Variants in PIAS4 observed in about 807,000 individuals in gnomAD.
The protein encoded by PIAS4 is protein inhibitor of activated STAT 4, also known as E3 SUMO-protein ligase PIAS4.
PIAS4 carries 7 observed loss-of-function variants against 58.0 expected under a neutral mutation model. The observed-to-expected ratio is 0.12, with a 90% confidence interval of 0.07 to 0.23. PIAS4 has a LOEUF of 0.23. Among genes scored for constraint, PIAS4 ranks in the 10% least tolerant of loss-of-function variants. The pLI, the probability that PIAS4 is intolerant of heterozygous loss-of-function variation, is 1.00. For missense variants in PIAS4, 550 were observed against 709.5 expected (o/e 0.78, Z 2.55); for synonymous variants, 364 against 312.4 (o/e 1.17, Z -1.74).
At position 4,007,778 on chromosome 19, in the gene PIAS4, G is replaced by A; in HGVS notation, c.18G>A (p.Val6=). 1 of 1,216,064 alleles carries A rather than the reference G, an allele frequency of 8.2e-7. No individual in the cohort carries two copies. Among genetic ancestry groups the A allele is most frequent in the Non-Finnish European group, 1.0e-6 (1 of 971,380 alleles). 75.3% of individuals were successfully genotyped at this position (1,216,064 alleles called of 1,614,324 possible). A position where few individuals can be genotyped will look rare whatever the true frequency, so the allele number is the denominator to read the frequency against. The change falls in exon 1 of 11, where the codon GTG becomes GTA. Residue 6 remains valine, a synonymous_variant. Transcript: ENST00000262971. MAAEL[V]EAKNMVMSFR... ...TGACCAAGATGGCGGCGGAGCTGGT[G>A]GAGGCCAAAGTGAGTGAGCGGTGGC...
Position 4,013,164 on chromosome 19 carries a change from A to G in PIAS4, c.269A>G (p.Tyr90Cys). ...GACCCCCTGACCATGCACTCCACCTACGACCGGGCCGGCGCTGTGCCCAGG... is the reference window on the plus strand; with the variant it reads ...GACCCCCTGACCATGCACTCCACCTGCGACCGGGCCGGCGCTGTGCCCAGG... ...PLDPLTMHST[Y>C]DRAGAVPRTP... The change falls in exon 2 of 11, where the codon TAC becomes TGC. Residue 90 changes from tyrosine to cysteine, a missense_variant. By Grantham distance (194) the Tyr-to-Cys change is radical. This residue lies in a region of PIAS4 where 95 missense variants were observed against 87.5 expected (regional missense o/e 1.09). Coordinates refer to ENST00000262971, the MANE Select transcript of PIAS4 (RefSeq NM_015897.4). The surrounding 1 kb of genome is among the most constrained non-coding windows in gnomAD (Gnocchi z 5.1). 1 of 1,613,384 alleles carries G rather than the reference A, an allele frequency of 6.2e-7. No homozygotes were observed. The highest frequency in any genetic ancestry group is 1.1e-5 in the South Asian group (1 of 91,088).
intron 1 of PIAS4, among the ~76,000 whole-genome samples, chr19:4,011,359 C>G (rs912575222): frequency 6.6e-6 from 1 of 152,268 alleles, no homozygotes; most frequent in African/African-American, 2.4e-5. Flanking sequence ...CTCGAGGACA[C>G]CTGGCTTCTG....
chr19:4,012,949 C>T lies in PIAS4; in HGVS notation c.54C>T (p.Ser18=), dbSNP rs763282249. ...ACATGGTGATGAGTTTTCGAGTCTC[C>T]GACCTTCAGATGCTCCTGGGTTTCG... is the stretch of plus-strand genomic sequence containing the variant. ...AKNMVMSFRV[S]DLQMLLGFVG... is the part of the protein sequence containing the mutation. The change falls in exon 2 of 11, where the codon TCC becomes TCT. Residue 18 remains serine (S), a synonymous_variant. Transcript: ENST00000262971. 12 of 1,613,156 alleles carry T rather than the reference C, an allele frequency of 7.4e-6. No individual in the cohort carries two copies. Among genetic ancestry groups the T allele is most frequent in the African/African-American group, 2.7e-5 (2 of 74,858 alleles).
In PIAS4 at chr19:4,013,404, C is replaced by T. The variant is rs1445940816; in HGVS notation, c.454+55C>T. ...TGGAGGCTTCACCTAGGCCCCGTCG[C>T]CCAGCCCAGCCCAGCCACACAGCCG... On this transcript the variant is annotated intron_variant, in intron 2 of 10. Transcript: ENST00000262971. This position sits in a 1 kb window ranked among gnomAD's most constrained non-coding sequence, Gnocchi z 5.1. The T allele has an allele frequency of 3.5e-6, 5 of 1,433,092 alleles. No homozygotes were observed. In the Admixed American group the frequency reaches 9.2e-5, roughly 26 times the overall value. 88.8% of individuals were successfully genotyped at this position (1,433,092 alleles called of 1,614,324 possible).
At chr19:4,030,860 G>T (rs940925907) in intron 7 of PIAS4, among the ~76,000 whole-genome samples, 15 of 152,160 alleles carry the variant, frequency 9.9e-5, no homozygotes, top group African/African-American at 3.6e-4. Flanking sequence ...GGCTCTGCAG[G>T]CCTGTCTTAT....
intron 2 of PIAS4, among the ~76,000 whole-genome samples, chr19:4,022,225 C>T (rs192496410): frequency 6.6e-6 from 1 of 152,240 alleles, no homozygotes; most frequent in East Asian, 1.9e-4. Flanking sequence ...CCTTTTATTC[C>T]CCTATTGAAC....
chr19:4,019,986 A>G (rs1328234821), intron 2 of PIAS4, among the ~76,000 whole-genome samples: 5 of 150,626 alleles, frequency 3.3e-5, no homozygotes, highest in Non-Finnish European at 7.4e-5. Context: ...GCAGGATCTC[A>G]GCTCACTGCA....
Position 4,037,635 on chromosome 19 carries a change from G to A in PIAS4, c.1293G>A (p.Gly431=). ...CCGTAGGCCCCTCGGACGCCAATGG[G>A]CTCCTGCCCGCCCCCAGCGTCAACG... is the stretch of plus-strand genomic sequence containing the variant. ...ILVLGPSDAN[G]LLPAPSVNGS... The change falls in exon 11 of 11, where the codon GGG becomes GGA. Residue 431 remains glycine, a synonymous_variant. Coordinates refer to ENST00000262971, the MANE Select transcript of PIAS4 (RefSeq NM_015897.4). The surrounding 1 kb of genome is among the most constrained non-coding windows in gnomAD (Gnocchi z 5.8). 7 of 1,611,246 alleles carry A rather than the reference G, an allele frequency of 4.3e-6. No homozygotes were observed. Among genetic ancestry groups the A allele is most frequent in the African/African-American group, 1.3e-5 (1 of 75,038 alleles).
At position 4,028,614 on chromosome 19, in the gene PIAS4, G is replaced by C; in HGVS notation, c.672+14G>C. On this transcript the variant is annotated intron_variant, in intron 5 of 10. Coordinates refer to ENST00000262971, the MANE Select transcript of PIAS4 (RefSeq NM_015897.4). ...TGCTCCGTCCCGGTGAGCATGCCCC[G>C]CCCCCGCGTCGGCTGCACGGGTTTG... The C allele has an allele frequency of 6.2e-7, 1 of 1,611,408 alleles. No individual in the cohort carries two copies. Among genetic ancestry groups the C allele is most frequent in the South Asian group, 1.1e-5 (1 of 90,966 alleles).
intron 3 of PIAS4, 103 bp downstream of exon 3, chr19:4,024,223 T>C: frequency 1.2e-6 from 1 of 840,302 alleles, no homozygotes; most frequent in Non-Finnish European, 2.0e-6. Flanking sequence ...CAGGCCTCGC[T>C]CGGGCTCAGT....
At chr19:4,023,201 G>A (rs2040128142) in intron 2 of PIAS4, among the ~76,000 whole-genome samples, 1 of 147,956 alleles carries the variant, frequency 6.8e-6, no homozygotes, top group African/African-American at 2.5e-5. Context: ...GGGGCTGGCT[G>A]GGCACAGTGG....
intron 9 of PIAS4, among the ~76,000 whole-genome samples, chr19:4,034,152 T>C (rs561213113): frequency 1.3e-5 from 2 of 152,328 alleles, no homozygotes; most frequent in Non-Finnish European, 2.9e-5. Context: ...CTGTGGTGCC[T>C]GATGCGGCTC....
chr19:4,021,230 G>A (rs1415485447), intron 2 of PIAS4, among the ~76,000 whole-genome samples: 2 of 152,156 alleles, frequency 1.3e-5, no homozygotes, highest in African/African-American at 4.8e-5. Flanking sequence ...TCGGCTCACT[G>A]CAACCTCCGC....
chr19:4,020,660 A>G (rs573938664), intron 2 of PIAS4, among the ~76,000 whole-genome samples: 116 of 152,330 alleles, frequency 7.6e-4, no homozygotes, highest in Non-Finnish European at 1.5e-3. Context: ...CAGTCTTGCT[A>G]TGTTGCCCAG....
intron 1 of PIAS4, among the ~76,000 whole-genome samples, chr19:4,010,640 G>A (rs1238346017): frequency 6.6e-6 from 1 of 152,236 alleles, no homozygotes; most frequent in African/African-American, 2.4e-5. Flanking sequence ...AACACCCTTG[G>A]GAGGCCAGAG....
chr19:4,033,046 C>T lies in PIAS4; in HGVS notation c.908-54C>T. ...GCCGGAGAGAACTCGAATCACAGCC[C>T]CGCGCCCTGCTGTTCCCACCCTCCT... On this transcript the variant is annotated intron_variant, in intron 7 of 10. Transcript: ENST00000262971. 4 of 1,431,676 alleles carry T rather than the reference C, an allele frequency of 2.8e-6. No individual in the cohort carries two copies. The South Asian group carries it at 4.6e-5, about 16-fold the overall frequency. 88.7% of individuals were successfully genotyped at this position (1,431,676 alleles called of 1,614,324 possible).
At chr19:4,018,575 G>T (rs1235210985) in intron 2 of PIAS4, 1 of 152,252 alleles carries the variant, frequency 6.6e-6, no homozygotes, top group Non-Finnish European at 1.5e-5. Flanking sequence ...GGCCCCAAAG[G>T]TGCATCTGGT....
intron 2 of PIAS4, among the ~76,000 whole-genome samples, chr19:4,014,549 C>G (rs1177032932): frequency 6.6e-6 from 1 of 152,144 alleles, no homozygotes; most frequent in Non-Finnish European, 1.5e-5. Flanking sequence ...TTCTTCCTGC[C>G]TCCCCTCCCC....
At chr19:4,033,302 C>A in intron 8 of PIAS4, 118 bp from the exon 9 acceptor site, 1 of 1,331,550 alleles carries the variant, frequency 7.5e-7, no homozygotes, top group Non-Finnish European at 1.0e-6. Context: ...TCGTCCCCTC[C>A]GTGTTCCTGA....
Sources: gnomAD v4.1 joint callset for allele counts (sites outside exome capture counted in the v4.1 genomes callset) on GRCh38, gnomAD v4.1.1 for gene constraint, gnomAD v4.1.1 regional missense constraint, Gnocchi (gnomAD v3.1) non-coding constraint, MANE v1.5 for transcripts, NCBI Gene and HGNC (gene_info 2026-07-23, HGNC 2026-07-21) for gene names.